Variants in NAV3 observed in about 807,000 individuals in gnomAD.
The protein encoded by NAV3 is pore membrane and/or filament interacting like protein 1.
Under a neutral mutation model 244.7 loss-of-function variants are expected in NAV3, and 87 were observed. The observed-to-expected ratio is 0.36, with a 90% CI of 0.30 to 0.42. NAV3 has a LOEUF of 0.42. Among genes scored for constraint, NAV3 ranks in the 20% least tolerant of loss-of-function variants. The pLI is 1.00. For synonymous variants in NAV3, 1,126 were observed against 1,042.2 expected, an observed-to-expected ratio of 1.08 and a Z score of -1.55; for missense variants, 2,663 against 2,893.3, an observed-to-expected ratio of 0.92 and a Z score of 1.83.
intron 23 of NAV3, among the ~76,000 whole-genome samples, chr12:78,162,483 G>T (rs1957586497): frequency 6.6e-6 from 1 of 151,874 alleles, no homozygotes; most frequent in South Asian, 2.1e-4. Flanking sequence ...TCCTCATGGA[G>T]TTTATATTTC....
chr12:77,911,721 AG>A (rs1408812099), intron 1 of NAV3, among the ~76,000 whole-genome samples: 22 of 152,164 alleles, frequency 1.4e-4, no homozygotes, highest in Admixed American at 1.4e-3. Flanking sequence ...AATTATTTAT[AG>A]TACCCTATGT....
intron 9 of NAV3, among the ~76,000 whole-genome samples, chr12:78,042,565 G>A (rs1881048763): frequency 6.6e-6 from 1 of 152,164 alleles, no homozygotes; most frequent in Non-Finnish European, 1.5e-5. Flanking sequence ...GGCCAAGGCA[G>A]GTGGATCATT....
rs775438871 is a variant in NAV3, at chr12:78,200,499, A to G, written c.6742A>G (p.Met2248Val). ...TCCCCGACTATTCCTTCCTTGCCCC[A>G]TGGATGTAGAAGGTTCTAGAGTATG... ...IGPRLFLPCP[M>V]DVEGSRVWFM... The change falls in exon 38 of 40, where the codon ATG (methionine) becomes GTG (valine). Residue 2248 changes from methionine to valine, a missense_variant. Physicochemically the swap from Met to Val is conservative, Grantham distance 21. Transcript: ENST00000397909. The G allele has an allele frequency of 1.9e-6, 3 of 1,591,774 alleles. No individual in the cohort carries two copies. The Admixed American group carries it at 5.1e-5, about 27-fold the overall frequency.
chr12:77,791,644 A>T (rs1871179997), intron 2 of NAV3, among the ~76,000 whole-genome samples: 1 of 152,162 alleles, frequency 6.6e-6, no homozygotes, highest in Non-Finnish European at 1.5e-5. Flanking sequence ...TGTTGACTTC[A>T]GGCATGTGGC....
rs1044297757 is a variant in NAV3, at chr12:77,791,718, C to T, written c.73-148601C>T. Among the ~76,000 whole-genome samples the T allele has an allele frequency of 7.9e-5, 12 of 152,096 alleles. 1 individual carries two copies. In the South Asian group the frequency reaches 8.3e-4, roughly 11 times the overall value. On this transcript the variant is annotated intron_variant, in intron 2 of 8. Coordinates refer to the NAV3 transcript ENST00000550042. The stretch of plus-strand genomic sequence containing the variant: ...CCTCCATATCCAAGGACTCCCCATT[C>T]GTAGATTCAAACAATCATGGATAAA...
rs531079162 is a variant in NAV3 at position 77,655,366 on chromosome 12, A to G, written c.72+83100A>G. Among the ~76,000 whole-genome samples, 14 of 152,340 alleles carry G rather than the reference A, an allele frequency of 9.2e-5. No homozygotes were observed. In the East Asian group the frequency reaches 2.7e-3, roughly 29 times the overall value. ...GAAGAAAGGGTATCAGTGATGGAAG[A>G]TGAAATGAATGAAGTGAAGCGAGAA... On this transcript the variant is annotated intron_variant, in intron 2 of 8. Coordinates refer to the NAV3 transcript ENST00000550042.
At chr12:78,009,159 CT>C (rs1874778777) in intron 8 of NAV3, among the ~76,000 whole-genome samples, 2 of 152,216 alleles carry the variant, frequency 1.3e-5, no homozygotes, top group South Asian at 4.1e-4. Context: ...GAAAATGTAA[CT>C]TTTAAATATC....
intron 11 of NAV3, among the ~76,000 whole-genome samples, chr12:78,054,998 G>T (rs1402206897): frequency 6.6e-6 from 1 of 152,118 alleles, no homozygotes; most frequent in African/African-American, 2.4e-5. Context: ...AAAGAATATG[G>T]AAAGAACAGG....
chr12:77,667,392 C>T (rs1291598190), intron 2 of NAV3, among the ~76,000 whole-genome samples: 1 of 152,140 alleles, frequency 6.6e-6, no homozygotes, highest in Non-Finnish European at 1.5e-5. Context: ...GAAATAGACT[C>T]CATGCTGTTG....
chr12:77,816,870 G>T (rs868127789), intron 2 of NAV3, among the ~76,000 whole-genome samples: 8 of 152,138 alleles, frequency 5.3e-5, no homozygotes, highest in South Asian at 4.1e-4. Flanking sequence ...CTAAACTATG[G>T]CAGGATAAGC....
chr12:77,603,114 T>C (rs1296547775), intron 2 of NAV3, among the ~76,000 whole-genome samples: 2 of 152,054 alleles, frequency 1.3e-5, no homozygotes, highest in Non-Finnish European at 2.9e-5. Flanking sequence ...ACCCTGAACC[T>C]TCTGATGATG....
intron 2 of NAV3, among the ~76,000 whole-genome samples, chr12:77,711,566 T>G (rs1000089541): frequency 1.4e-4 from 21 of 152,208 alleles, no homozygotes; most frequent in Non-Finnish European, 2.5e-4. Flanking sequence ...TGGTCCTTTT[T>G]TGGCCATGGT....
intron 1 of NAV3, among the ~76,000 whole-genome samples, chr12:77,842,679 G>A (rs988146865): frequency 3.9e-5 from 6 of 151,918 alleles, no homozygotes; most frequent in Non-Finnish European, 7.4e-5. Context: ...AAGGGTCACC[G>A]AGTGGGAATG....
intron 5 of NAV3, among the ~76,000 whole-genome samples, chr12:77,976,281 G>C (rs902353579): frequency 6.6e-6 from 1 of 152,128 alleles, no homozygotes; most frequent in Non-Finnish European, 1.5e-5. Context: ...GGAGCCTATA[G>C]ATAAAAATCA....
intron 2 of NAV3, among the ~76,000 whole-genome samples, chr12:77,699,180 C>CATG (rs1260307629): frequency 6.6e-6 from 1 of 152,096 alleles, no homozygotes; most frequent in African/African-American, 2.4e-5. Context: ...CAATAGAAGA[C>CATG]ACGCTGGCTG....
intron 34 of NAV3, 91 bp from the exon 35 acceptor site, chr12:78,197,156 G>C (rs1959187537): frequency 1.1e-6 from 1 of 946,426 alleles, no homozygotes; most frequent in Admixed American, 3.6e-5. Context: ...AAACGGAATA[G>C]AGGACAAAGA....
chr12:78,199,573 C>G (rs2140017797), intron 37 of NAV3, 42 bp downstream of exon 37: 1 of 1,446,392 alleles, frequency 6.9e-7, no homozygotes. Context: ...CAGGAACTAA[C>G]AGTGCTTGGT....
chr12:77,770,103 T>G (rs1869999789), intron 2 of NAV3, among the ~76,000 whole-genome samples: 1 of 152,180 alleles, frequency 6.6e-6, no homozygotes, highest in African/African-American at 2.4e-5. Flanking sequence ...TATGAAAATG[T>G]AAGGCTAGAG....
At chr12:78,097,940 T>C (rs1954340787) in intron 12 of NAV3, among the ~76,000 whole-genome samples, 1 of 152,136 alleles carries the variant, frequency 6.6e-6, no homozygotes, top group East Asian at 1.9e-4. Flanking sequence ...AGAAGGTTTT[T>C]AAAAGGAGAG....
Sources: allele counts gnomAD v4.1 joint callset (sites outside exome capture counted in the v4.1 genomes callset), GRCh38; gene constraint gnomAD v4.1.1; transcripts MANE v1.5; gene names NCBI Gene and HGNC (gene_info 2026-07-23, HGNC 2026-07-21).